Variants in ATRN observed in about 807,000 individuals in gnomAD.
ATRN encodes attractin, also known as attractin-2.
A neutral mutation model predicts 178.7 loss-of-function variants in ATRN; 54 were observed. That is an observed-to-expected ratio of 0.30 (90% CI 0.24 to 0.38). The LOEUF (loss-of-function observed/expected upper bound fraction) is 0.38. Among genes scored for constraint, ATRN ranks in the 10% least tolerant of loss-of-function variants. The pLI, the probability that ATRN is intolerant of heterozygous loss-of-function variation, is 1.00. For synonymous variants in ATRN, 636 were observed against 663.0 expected (o/e 0.96, Z 0.63); for missense variants, 1,443 against 1,815.1 (o/e 0.79, Z 3.73).
At chr20:3,536,435 T>C (rs747880787) in intron 2 of ATRN, among the ~76,000 whole-genome samples, 2 of 152,086 alleles carry the variant, frequency 1.3e-5, no homozygotes, top group Non-Finnish European at 1.5e-5. Flanking sequence ...GGTCTCGAAC[T>C]CCTGACCTCA....
intron 25 of ATRN, among the ~76,000 whole-genome samples, chr20:3,625,174 G>GT (rs1364904969): frequency 6.6e-6 from 1 of 152,060 alleles, no homozygotes; most frequent in Non-Finnish European, 1.5e-5. Flanking sequence ...AAATTGTTTT[G>GT]TTTTTTACTT....
rs139019121 is a variant in ATRN, at chr20:3,567,532, T to C, written c.1871+2100T>C. 1.1e-3 allele frequency among the ~76,000 whole-genome samples: 169 copies of C among 152,312 alleles called. 2 individuals are homozygous for C. Among genetic ancestry groups the C allele is most frequent in the Middle Eastern group, 6.8e-3 (2 of 294 alleles). On this transcript the variant is annotated intron_variant, in intron 11 of 28. Coordinates refer to ENST00000262919, the MANE Select transcript of ATRN (RefSeq NM_139321.3). ...GTATGTTTGAACCCTGATATGTAAG[T>C]ATCTGTGTGTGTGAGACAGGATTGG...
At chr20:3,480,742 T>G (rs1048784541) in intron 1 of ATRN, among the ~76,000 whole-genome samples, 5 of 152,198 alleles carry the variant, frequency 3.3e-5, no homozygotes, top group African/African-American at 1.2e-4. Context: ...AGGACAGGTA[T>G]GTACGCAGGA....
intron 24 of ATRN, among the ~76,000 whole-genome samples, chr20:3,617,929 A>G (rs1046288907): frequency 6.6e-6 from 1 of 151,952 alleles, no homozygotes; most frequent in African/African-American, 2.4e-5. Context: ...AAACCAGCCC[A>G]CCTGTCTTGG....
intron 5 of ATRN, 51 bp downstream of exon 5, chr20:3,547,540 A>C (rs1311924794): frequency 9.3e-6 from 13 of 1,390,764 alleles, no homozygotes; most frequent in Admixed American, 2.0e-5. Context: ...GAACATTCCC[A>C]CTAAATAAAT....
chr20:3,504,285 T>A (rs2085005562), intron 1 of ATRN, among the ~76,000 whole-genome samples: 1 of 152,026 alleles, frequency 6.6e-6, no homozygotes. Context: ...CTAAAGGAAG[T>A]TCTTTAAGCC....
chr20:3,577,385 C>T (rs990338892), intron 14 of ATRN, among the ~76,000 whole-genome samples: 1 of 152,138 alleles, frequency 6.6e-6, no homozygotes, highest in African/African-American at 2.4e-5. Flanking sequence ...TAATTGTTGG[C>T]ACCTGCTAAT....
At chr20:3,488,512 C>T (rs745497043) in intron 1 of ATRN, among the ~76,000 whole-genome samples, 1 of 152,156 alleles carries the variant, frequency 6.6e-6, no homozygotes, top group Non-Finnish European at 1.5e-5. Flanking sequence ...TGTAGTGCTG[C>T]GTCTGTTATC....
rs943789610 is a variant in ATRN, at chr20:3,493,159, A to G, written c.410+21642A>G. Among the ~76,000 whole-genome samples, 41 of 148,504 alleles carry G rather than the reference A, an allele frequency of 2.8e-4. 1 individual carries two copies. Among genetic ancestry groups the G allele is most frequent in the Non-Finnish European group, 1.5e-5 (1 of 67,378 alleles). On this transcript the variant is annotated intron_variant, in intron 1 of 28. Transcript: ENST00000262919. ...GTGTGTGTGTGTGTGTATAATTAAA[A>G]AAAATTTTTTTAGAGACAGGTTCTC... is the stretch of plus-strand genomic sequence containing the variant.
chr20:3,604,346 G>A (rs1376805600), intron 24 of ATRN, 84 bp downstream of exon 24: 2 of 1,440,540 alleles, frequency 1.4e-6, no homozygotes, highest in Non-Finnish European at 1.9e-6. Context: ...GGAGCTTGTG[G>A]TAAATGAGAT....
At chr20:3,588,744 C>T (rs6051962) in intron 18 of ATRN, among the ~76,000 whole-genome samples, 8,449 of 152,080 alleles carry the variant, frequency 0.056, 711 homozygotes, top group African/African-American at 0.18. Context: ...TGGAAGAGTT[C>T]GTCAAGGATT....
At chr20:3,556,962 C>T (rs1341014179) in intron 6 of ATRN, among the ~76,000 whole-genome samples, 2 of 152,156 alleles carry the variant, frequency 1.3e-5, no homozygotes, top group Non-Finnish European at 2.9e-5. Context: ...AGATTGGGCA[C>T]TCTCCGTGCC....
intron 1 of ATRN, among the ~76,000 whole-genome samples, chr20:3,511,591 A>G (rs985258108): frequency 6.6e-6 from 1 of 152,080 alleles, no homozygotes; most frequent in Non-Finnish European, 1.5e-5. Flanking sequence ...TTAGACATTA[A>G]CTCTGTTTAT....
intron 21 of ATRN, 82 bp downstream of exon 21, chr20:3,596,511 A>G (rs905474998): frequency 9.3e-5 from 123 of 1,321,466 alleles, no homozygotes; most frequent in Non-Finnish European, 2.3e-5. Context: ...GAGAATAGTA[A>G]GTGCTATAAG....
intron 1 of ATRN, among the ~76,000 whole-genome samples, chr20:3,524,865 A>G (rs568408321): frequency 1.2e-3 from 178 of 152,354 alleles, no homozygotes; most frequent in African/African-American, 4.0e-3. Context: ...CAGTGAGAAC[A>G]AAGACACGAC....
At chr20:3,472,280 G>A (rs2084441331) in intron 1 of ATRN, among the ~76,000 whole-genome samples, 1 of 152,256 alleles carries the variant, frequency 6.6e-6, no homozygotes, top group African/African-American at 2.4e-5. Flanking sequence ...TGATTTTCCA[G>A]ATAATACAGA....
At chr20:3,516,667 C>T (rs921772344) in intron 1 of ATRN, among the ~76,000 whole-genome samples, 2 of 152,134 alleles carry the variant, frequency 1.3e-5, no homozygotes, top group African/African-American at 4.8e-5. Context: ...CCTTGACTCC[C>T]TCAGCTACCT....
Position 3,512,085 on chromosome 20 carries a change from TTATA to T in ATRN, c.411-23148_411-23145del, listed in dbSNP as rs1212714416. Reference sequence around the variant, plus strand: ...ACTGGGTTATGTGTTCTTTTTTCTTTTATATATATATATATATATATATTTTTTT... The same window carrying T: ...ACTGGGTTATGTGTTCTTTTTTCTTTTATATATATATATATATATTTTTTT... On this transcript the variant is annotated intron_variant, in intron 1 of 28. Transcript: ENST00000262919. 2.6e-3 allele frequency among the ~76,000 whole-genome samples: 311 copies of T among 119,784 alleles called. 7 individuals carry two copies. The highest frequency in any genetic ancestry group is 0.01 in the African/African-American group (282 of 28,040). The allele number at this position is 119,784 out of a possible 152,430, so 78.6% of individuals were successfully genotyped here. A position where few individuals can be genotyped will look rare whatever the true frequency, so the allele number is the denominator to read the frequency against.
chr20:3,549,773 G>A (rs2146204927), intron 6 of ATRN, among the ~76,000 whole-genome samples: 1 of 152,232 alleles, frequency 6.6e-6, no homozygotes, highest in East Asian at 1.9e-4. Flanking sequence ...AATATGTGTT[G>A]TCATAGTGGA....
Sources: gnomAD v4.1 joint callset for allele counts (sites outside exome capture counted in the v4.1 genomes callset) on GRCh38, gnomAD v4.1.1 for gene constraint, MANE v1.5 for transcripts, NCBI Gene and HGNC (gene_info 2026-07-23, HGNC 2026-07-21) for gene names.